SLFN14: variants seen among roughly 807,000 people sequenced by gnomAD.
SLFN14 encodes the protein protein SLFN14.
SLFN14 carries 47 observed loss-of-function variants against 58.6 expected under a neutral mutation model. That is an observed-to-expected ratio of 0.80 (90% CI 0.64 to 1.02). The LOEUF (loss-of-function observed/expected upper bound fraction) is 1.02. Ranked by LOEUF, SLFN14 falls within the 50% of genes least tolerant of loss-of-function variation. SLFN14 has a pLI of 0.00. For missense variants in SLFN14, 967 were observed against 1,078.4 expected (o/e 0.90, Z 1.45); for synonymous variants, 390 against 387.3 (o/e 1.01, Z -0.08).
chr17:35,545,389 C>T lies in SLFN14; in HGVS notation c.*2850G>A, dbSNP rs1022361849. On this transcript the variant is annotated 3_prime_UTR_variant, in exon 6 of 6. Transcript: ENST00000674182. Reference sequence around the variant, plus strand: ...GACTCATCCTCTTACTCTCAAGGAGCTCACAGTCTTAATAGGAAGAGAAAT... The same window carrying T: ...GACTCATCCTCTTACTCTCAAGGAGTTCACAGTCTTAATAGGAAGAGAAAT... Among the ~76,000 whole-genome samples the T allele has an allele frequency of 8.5e-5, 13 of 152,172 alleles. No homozygotes were observed. The highest frequency in any genetic ancestry group is 2.0e-4 in the Admixed American group (3 of 15,272).
rs1211608866 is a variant in SLFN14 at position 35,557,845 on chromosome 17, C to T, written c.218G>A (p.Cys73Tyr). 5 of 1,551,750 alleles carry T rather than the reference C, an allele frequency of 3.2e-6. No homozygotes were observed. Among genetic ancestry groups the T allele is most frequent in the Non-Finnish European group, 2.6e-6 (3 of 1,147,004 alleles). The change falls in exon 3 of 6, where the codon TGC (cysteine) becomes TAC (tyrosine). Residue 73 changes from cysteine to tyrosine, a missense_variant. By Grantham distance (194) the Cys-to-Tyr change is radical. Coordinates refer to ENST00000674182, the MANE Select transcript of SLFN14 (RefSeq NM_001129820.2). ...TTCCAAATCCTGTCCCAGCCCATGG[C>T]ATTGGTAACTATAGGTTTTATCATC... ...EIDDKTYSYQ[C>Y]HGLGQDLETS...
rs1254630728 is a variant in SLFN14 at position 35,557,256 on chromosome 17, T to C, written c.807A>G (p.Lys269=). The C allele has an allele frequency of 2.6e-6, 4 of 1,551,730 alleles. No homozygotes were observed. Among genetic ancestry groups the C allele is most frequent in the Non-Finnish European group, 1.7e-6 (2 of 1,147,006 alleles). Residue 269 remains lysine, a synonymous_variant, in exon 3 of 6, where the codon AAA becomes AAG. Transcript: ENST00000674182. ...ATTTTTCTATGCAGTTTTCGATTTC[T>C]TTTTTTAGTAAGTCAGGATTCACTT... The part of the protein sequence containing the change: ...WEKVNPDLLK[K]EIENCIEKLP...
chr17:35,553,478 T>C, intron 4 of SLFN14, 34 bp from the exon 5 acceptor site: 1 of 1,456,652 alleles, frequency 6.9e-7, no homozygotes. Flanking sequence ...TACCAAAACT[T>C]ACAAAAGCAT....
intron 4 of SLFN14, 142 bp downstream of exon 4, chr17:35,554,434 T>TG (rs1567713908): frequency 2.3e-5 from 5 of 218,048 alleles, no homozygotes; most frequent in Non-Finnish European, 4.2e-5. Flanking sequence ...ATATATATAT[T>TG]TCAAATTTCA....
Position 35,545,903 on chromosome 17 carries a change from G to A in SLFN14, c.*2336C>T, listed in dbSNP as rs938078847. Among the ~76,000 whole-genome samples, 14 of 151,920 alleles carry A rather than the reference G, an allele frequency of 9.2e-5. No homozygotes were observed. The highest frequency in any genetic ancestry group is 3.3e-4 in the Admixed American group (5 of 15,234). ...CCTGATCACTGATTTTTTTTAAGTC[G>A]CCCAGGAAATTATAATGAGCATCCA... is the stretch of plus-strand genomic sequence containing the variant. On this transcript the variant is annotated 3_prime_UTR_variant, in exon 6 of 6. Transcript: ENST00000674182.
rs2072610354 is a variant in SLFN14, at chr17:35,552,944, C to G, written c.1690G>C (p.Gly564Arg). The G allele has an allele frequency of 1.3e-6, 2 of 1,551,396 alleles. No homozygotes were observed. The highest frequency in any genetic ancestry group is 1.7e-6 in the Non-Finnish European group (2 of 1,146,984). ...ATGAGCAAGTTGAAAAATTCACAGC[C>G]CATCTGGTCACTCAGAAGAGATCTG... is the stretch of plus-strand genomic sequence containing the variant. ...SSRSLLSDQM[G>R]CEFFNLLIME... Residue 564 changes from glycine to arginine, a missense_variant, in exon 5 of 6, where the codon GGC becomes CGC. Physicochemically the swap from Gly to Arg is moderately radical, Grantham distance 125 (BLOSUM62 -2). Transcript: ENST00000674182.
intron 5 of SLFN14, among the ~76,000 whole-genome samples, chr17:35,549,960 T>A (rs898147923): frequency 1.3e-5 from 2 of 152,182 alleles, no homozygotes; most frequent in Non-Finnish European, 2.9e-5. Context: ...TTTTCAAACT[T>A]AGCTATGAAA....
chr17:35,557,072 T>G lies in SLFN14; in HGVS notation c.991A>C (p.Met331Leu). ...VFAEAPDSWI[M>L]KDNSVTRLTA... ...AGCCGTGTGACAGAATTGTCTTTCATGATCCAGGAATCTGGGGCCTCTGCA... is the reference window on the plus strand; with the variant it reads ...AGCCGTGTGACAGAATTGTCTTTCAGGATCCAGGAATCTGGGGCCTCTGCA... The change falls in exon 3 of 6, where the codon ATG (methionine) becomes CTG (leucine). Residue 331 changes from methionine (M) to leucine (L), a missense_variant. Met to Leu is a conservative substitution (Grantham distance 15). Coordinates refer to ENST00000674182, the MANE Select transcript of SLFN14 (RefSeq NM_001129820.2). 1 of 1,551,720 alleles carries G rather than the reference T, an allele frequency of 6.4e-7. No individual in the cohort carries two copies. The highest frequency in any genetic ancestry group is 8.7e-7 in the Non-Finnish European group (1 of 1,146,996).
At chr17:35,555,833 G>C (rs1331284214) in intron 3 of SLFN14, among the ~76,000 whole-genome samples, 1 of 152,032 alleles carries the variant, frequency 6.6e-6, no homozygotes, top group Non-Finnish European at 1.5e-5. Flanking sequence ...AGGTAAGTGA[G>C]AACACCAGGG....
At chr17:35,558,873 A>G (rs952236304) in intron 2 of SLFN14, among the ~76,000 whole-genome samples, 1 of 152,072 alleles carries the variant, frequency 6.6e-6, no homozygotes, top group Non-Finnish European at 1.5e-5. Flanking sequence ...AGAACTAAGG[A>G]AGTATAATTT....
chr17:35,552,639 TATATATATACAC>T lies in SLFN14; in HGVS notation c.1904+79_1904+90del, dbSNP rs755140131. 305 of 371,562 alleles carry T rather than the reference TATATATATACAC, an allele frequency of 8.2e-4. 5 individuals carry two copies. The highest frequency in any genetic ancestry group is 3.8e-3 in the Middle Eastern group (5 of 1,306). 23.0% of individuals were successfully genotyped at this position (371,562 alleles called of 1,614,324 possible). A position where few individuals can be genotyped will look rare whatever the true frequency, so the allele number is the denominator to read the frequency against. ...GTATATATATACACATATATATACA[TATATATATACAC>T]ATATATATACACATATATATACACA... is the stretch of plus-strand genomic sequence containing the variant. On this transcript the variant is annotated intron_variant, in intron 5 of 5. Coordinates refer to ENST00000674182, the MANE Select transcript of SLFN14 (RefSeq NM_001129820.2).
rs190612310 is a variant in SLFN14, at chr17:35,549,131, C to G, written c.1905-58G>C. 4.5e-4 allele frequency: 590 copies of G among 1,324,332 alleles called. 4 individuals are homozygous for G. Among genetic ancestry groups the G allele is most frequent in the Admixed American group, 1.3e-3 (61 of 47,752 alleles). 82.0% of individuals were successfully genotyped at this position (1,324,332 alleles called of 1,614,324 possible). ...TATCAACAAAGAGAACACCAGCAGT[C>G]ATTACTCTCTGGAATGGAATCAGAG... On this transcript the variant is annotated intron_variant, in intron 5 of 5. Transcript: ENST00000674182.
At position 35,557,550 on chromosome 17, in the gene SLFN14, C is replaced by G. The variant is rs2072665080; in HGVS notation, c.513G>C (p.Gln171His). 1.3e-6 allele frequency: 2 copies of G among 1,551,614 alleles called. No homozygotes were observed. The highest frequency in any genetic ancestry group is 8.7e-7 in the Non-Finnish European group (1 of 1,146,988). The change falls in exon 3 of 6, where the codon CAG becomes CAC. Residue 171 changes from glutamine (Q) to histidine (H), a missense_variant. Coordinates refer to ENST00000674182, the MANE Select transcript of SLFN14 (RefSeq NM_001129820.2). ...RPRVKKLHPQ[Q>H]VLNRCIQEEE... ...CTTCCTGAATGCATCTATTGAGAACCTGCTGAGGATGCAACTTCTTCACCC... is the reference window on the plus strand; with the variant it reads ...CTTCCTGAATGCATCTATTGAGAACGTGCTGAGGATGCAACTTCTTCACCC...
Position 35,544,170 on chromosome 17 carries a change from G to A in SLFN14, c.*4069C>T, listed in dbSNP as rs182292592. 1.4e-4 allele frequency among the ~76,000 whole-genome samples: 21 copies of A among 152,286 alleles called. No homozygotes were observed. Among genetic ancestry groups the A allele is most frequent in the Non-Finnish European group, 8.8e-5 (6 of 68,006 alleles). ...CTTTGTATGGAAACAGCAGAAACCC[G>A]AGAGAGTAAACCCAATGCTGAAAGT... On this transcript the variant is annotated 3_prime_UTR_variant, in exon 6 of 6. Transcript: ENST00000674182.
Position 35,544,579 on chromosome 17 carries a change from A to AGT in SLFN14, c.*3658_*3659dup, listed in dbSNP as rs1002189455. Among the ~76,000 whole-genome samples, 19 of 150,814 alleles carry AGT rather than the reference A, an allele frequency of 1.3e-4. No individual in the cohort carries two copies. Among genetic ancestry groups the AGT allele is most frequent in the African/African-American group, 4.7e-4 (19 of 40,674 alleles). ...GTTTCACTCTTGTTGCCCAGGCTGAAGTGCAGTGGCGCAATCTCAGCTCAC... is the reference window on the plus strand; with the variant it reads ...GTTTCACTCTTGTTGCCCAGGCTGAAGTGTGCAGTGGCGCAATCTCAGCTCAC... On this transcript the variant is annotated 3_prime_UTR_variant, in exon 6 of 6. Coordinates refer to ENST00000674182, the MANE Select transcript of SLFN14 (RefSeq NM_001129820.2).
In SLFN14 at chr17:35,547,959, A is replaced by C. The variant is rs1428798058; in HGVS notation, c.*280T>G. ...AAATCAGTTCTCTATTTGAGGAAAA[A>C]TTCTCTGATGGATGACAGCTGGATT... On this transcript the variant is annotated 3_prime_UTR_variant, in exon 6 of 6. Coordinates refer to ENST00000674182, the MANE Select transcript of SLFN14 (RefSeq NM_001129820.2). 6.6e-6 allele frequency among the ~76,000 whole-genome samples: 1 copy of C among 152,200 alleles called. No individual in the cohort carries two copies. Among genetic ancestry groups the C allele is most frequent in the East Asian group, 1.9e-4 (1 of 5,202 alleles).
rs114652770 is a variant in SLFN14, at chr17:35,558,481, G to C, written c.-44-375C>G. ...CTATTTTTTTTTTTTAAGAGATGGA[G>C]TCTTGCTACGTTGCAATCCTCCTGC... On this transcript the variant is annotated intron_variant, in intron 2 of 5. Coordinates refer to ENST00000674182, the MANE Select transcript of SLFN14 (RefSeq NM_001129820.2). 1.3e-3 allele frequency among the ~76,000 whole-genome samples: 196 copies of C among 150,488 alleles called. 1 individual carries two copies. The highest frequency in any genetic ancestry group is 4.6e-3 in the African/African-American group (188 of 40,910).
At position 35,557,217 on chromosome 17, in the gene SLFN14, G is replaced by T. The variant is rs1024802247; in HGVS notation, c.846C>A (p.His282Gln). 3.2e-6 allele frequency: 5 copies of T among 1,551,602 alleles called. No homozygotes were observed. The African/African-American group carries it at 6.8e-5, about 21-fold the overall frequency. The change falls in exon 3 of 6, where the codon CAC becomes CAA. Residue 282 changes from histidine to glutamine, a missense_variant. Physicochemically the swap from His to Gln is conservative, Grantham distance 24 (BLOSUM62 0). Coordinates refer to ENST00000674182, the MANE Select transcript of SLFN14 (RefSeq NM_001129820.2). ...TTACCTTTGGCTTCTCACAGCAGAA[G>T]TGGAATGTAGGCAATTTTTCTATGC... ...ENCIEKLPTF[H>Q]FCCEKPKVNF... is the part of the protein sequence containing the mutation.
intron 5 of SLFN14, among the ~76,000 whole-genome samples, chr17:35,550,048 C>A (rs186881969): frequency 3.7e-4 from 57 of 152,302 alleles, no homozygotes; most frequent in African/African-American, 1.4e-3. Context: ...TCAACATCAC[C>A]ACCTGCTGTA....
Sources: gnomAD v4.1 joint callset for allele counts (sites outside exome capture counted in the v4.1 genomes callset) on GRCh38, gnomAD v4.1.1 for gene constraint, MANE v1.5 for transcripts, NCBI Gene and HGNC (gene_info 2026-07-23, HGNC 2026-07-21) for gene names.